DLC1: variants seen among roughly 807,000 people sequenced by gnomAD.
DLC1 encodes the protein rho GTPase-activating protein 7.
DLC1 carries 54 observed loss-of-function variants against 140.3 expected under a neutral mutation model. That is an observed-to-expected ratio of 0.38 (90% CI 0.31 to 0.48). DLC1 has a LOEUF of 0.48. DLC1 is among the 20% of genes least tolerant of loss of function. DLC1 has a pLI of 0.96. For synonymous variants in DLC1, 986 were observed against 728.1 expected (o/e 1.35, Z -5.70); for missense variants, 2,536 against 1,907.0 (o/e 1.33, Z -6.14).
At chr8:13,260,277 G>C (rs1283874160) in intron 5 of DLC1, among the ~76,000 whole-genome samples, 1 of 152,214 alleles carries the variant, frequency 6.6e-6, no homozygotes, top group African/African-American at 2.4e-5. Flanking sequence ...AAGATGTTAA[G>C]GTCATAGAGA....
chr8:13,102,074 T>A (rs1819140622), intron 8 of DLC1, among the ~76,000 whole-genome samples: 1 of 152,198 alleles, frequency 6.6e-6, no homozygotes, highest in South Asian at 2.1e-4. Context: ...GAAGGCAACT[T>A]TTTGCAGCTC....
intron 4 of DLC1, among the ~76,000 whole-genome samples, chr8:13,345,705 C>T (rs111348542): frequency 6.6e-6 from 1 of 151,772 alleles, no homozygotes; most frequent in African/African-American, 2.4e-5. Flanking sequence ...TTACAGGCAC[C>T]TGCCACCACG....
At chr8:13,394,940 C>G (rs1395582155) in intron 3 of DLC1, among the ~76,000 whole-genome samples, 1 of 151,914 alleles carries the variant, frequency 6.6e-6, no homozygotes, top group Non-Finnish European at 1.5e-5. Flanking sequence ...GAACTTCACT[C>G]CCTTCAACCT....
At chr8:13,339,104 A>T (rs533829848) in intron 4 of DLC1, among the ~76,000 whole-genome samples, 28 of 152,234 alleles carry the variant, frequency 1.8e-4, no homozygotes, top group Non-Finnish European at 3.8e-4. Context: ...TGAATTAATT[A>T]ACTGAATCAT....
intron 4 of DLC1, among the ~76,000 whole-genome samples, chr8:13,313,968 C>T (rs927588097): frequency 6.6e-6 from 1 of 152,036 alleles, no homozygotes; most frequent in Non-Finnish European, 1.5e-5. Context: ...AACAGAGGAG[C>T]AGACTCCCAT....
At chr8:13,116,968 G>T (rs113685214) in intron 5 of DLC1, among the ~76,000 whole-genome samples, 1 of 152,212 alleles carries the variant, frequency 6.6e-6, no homozygotes, top group African/African-American at 2.4e-5. Flanking sequence ...AGTGACATCA[G>T]TGTGGAAGAA....
At chr8:13,508,307 A>C (rs1038555240) in intron 1 of DLC1, among the ~76,000 whole-genome samples, 1 of 152,206 alleles carries the variant, frequency 6.6e-6, no homozygotes, top group Non-Finnish European at 1.5e-5. Flanking sequence ...GGAATATTTT[A>C]TGATATTCTC....
At chr8:13,367,514 C>T (rs1027694466) in intron 4 of DLC1, among the ~76,000 whole-genome samples, 1 of 152,270 alleles carries the variant, frequency 6.6e-6, no homozygotes, top group East Asian at 1.9e-4. Context: ...TTTTTTTGTA[C>T]AACCTTGTTT....
At chr8:13,449,061 A>AT (rs1217270750) in intron 2 of DLC1, among the ~76,000 whole-genome samples, 1 of 152,192 alleles carries the variant, frequency 6.6e-6, no homozygotes, top group Admixed American at 6.5e-5. Context: ...TTTAATGAGC[A>AT]TATTATATAC....
intron 4 of DLC1, among the ~76,000 whole-genome samples, chr8:13,384,431 G>A (rs1438872240): frequency 6.6e-6 from 1 of 152,098 alleles, no homozygotes; most frequent in Non-Finnish European, 1.5e-5. Flanking sequence ...AAATACAAGT[G>A]GGAGAATGAT....
At chr8:13,155,780 G>A (rs957973273) in intron 5 of DLC1, among the ~76,000 whole-genome samples, 1 of 152,022 alleles carries the variant, frequency 6.6e-6, no homozygotes. Context: ...TTCACATGAG[G>A]AATAAAAGAA....
At chr8:13,579,815 T>C (rs1004781005) in intron 1 of DLC1, among the ~76,000 whole-genome samples, 3 of 151,794 alleles carry the variant, frequency 2.0e-5, no homozygotes, top group African/African-American at 7.3e-5. Flanking sequence ...GCCCTCTGCA[T>C]AGCACATTGT....
At chr8:13,384,714 G>A (rs1351071825) in intron 4 of DLC1, among the ~76,000 whole-genome samples, 1 of 152,096 alleles carries the variant, frequency 6.6e-6, no homozygotes, top group South Asian at 2.1e-4. Context: ...CCATAGACCC[G>A]GGCTAGGTTG....
chr8:13,554,770 C>G (rs575861738), intron 1 of DLC1, among the ~76,000 whole-genome samples: 26 of 152,252 alleles, frequency 1.7e-4, no homozygotes, highest in Non-Finnish European at 3.4e-4. Flanking sequence ...GGTTCTCATT[C>G]CACCTCCCCA....
chr8:13,508,340 G>A (rs994334966), intron 1 of DLC1, among the ~76,000 whole-genome samples: 2 of 152,262 alleles, frequency 1.3e-5, no homozygotes, highest in Non-Finnish European at 2.9e-5. Flanking sequence ...AGATCTTTCT[G>A]GGGATATTGG....
At chr8:13,138,249 A>T (rs577080436) in intron 5 of DLC1, among the ~76,000 whole-genome samples, 1 of 152,330 alleles carries the variant, frequency 6.6e-6, no homozygotes, top group Admixed American at 6.5e-5. Context: ...GAAGACAGCC[A>T]TCATTAGGGC....
chr8:13,295,364 G>T (rs1420222646), intron 5 of DLC1, among the ~76,000 whole-genome samples: 1 of 152,186 alleles, frequency 6.6e-6, no homozygotes, highest in Non-Finnish European at 1.5e-5. Flanking sequence ...AGAAATTTAA[G>T]AACTCTGTGA....
intron 5 of DLC1, among the ~76,000 whole-genome samples, chr8:13,277,286 C>CT (rs919848264): frequency 8.5e-5 from 13 of 152,104 alleles, no homozygotes; most frequent in African/African-American, 2.7e-4. Flanking sequence ...GCTCTCCAGC[C>CT]TGGGGGACAG....
chr8:13,408,733 G>A (rs1158717272), intron 2 of DLC1, among the ~76,000 whole-genome samples: 1 of 152,148 alleles, frequency 6.6e-6, no homozygotes, highest in Admixed American at 6.6e-5. Flanking sequence ...GTCCTGCTGA[G>A]CTGATATGTA....
Sources: allele counts gnomAD v4.1 joint callset (sites outside exome capture counted in the v4.1 genomes callset), GRCh38; gene constraint gnomAD v4.1.1; transcripts MANE v1.5; gene names NCBI Gene and HGNC (gene_info 2026-07-23, HGNC 2026-07-21).